NOL4L: variants seen among roughly 807,000 people sequenced by gnomAD.
NOL4L encodes nucleolar protein 4 like.
Under a neutral mutation model 64.5 loss-of-function variants are expected in NOL4L, and 7 were observed. The ratio of observed to expected loss-of-function variants is 0.11; its 90% CI spans 0.06 to 0.20. The LOEUF (loss-of-function observed/expected upper bound fraction) is 0.20. Ranked by LOEUF, NOL4L falls within the 10% of genes least tolerant of loss-of-function variation. The pLI is 1.00. For missense variants in NOL4L, 680 were observed against 967.1 expected, an observed-to-expected ratio of 0.70 and a Z score of 3.94; for synonymous variants, 413 against 401.0, an observed-to-expected ratio of 1.03 and a Z score of -0.36.
chr20:32,475,260 G>A, intron 4 of NOL4L: 1 of 985,450 alleles, frequency 1.0e-6, no homozygotes, highest in Non-Finnish European at 1.2e-6. Context: ...CCAGCCCAGA[G>A]GACGTTTCTG....
chr20:32,525,580 C>G (rs1276260898), intron 2 of NOL4L, among the ~76,000 whole-genome samples: 6 of 151,964 alleles, frequency 3.9e-5, no homozygotes, highest in African/African-American at 1.5e-4. Context: ...GCTGACTGCT[C>G]AGCACAATGG....
At position 32,520,744 on chromosome 20, in the gene NOL4L, C is replaced by A. The variant is rs575136728; in HGVS notation, c.589+67G>T. ...ACTTTTCTGTGCCAGCAAAAGCTGG[C>A]GTCTTCAGGGACAGTCCACTCTTAG... On this transcript the variant is annotated intron_variant, in intron 3 of 10. Coordinates refer to ENST00000621426, the MANE Select transcript of NOL4L (RefSeq NM_001256798.2). The A allele has an allele frequency of 7.9e-5, 76 of 956,550 alleles. 1 individual carries two copies. The South Asian group carries it at 1.1e-3, about 14-fold the overall frequency. 59.3% of individuals were successfully genotyped at this position (956,550 alleles called of 1,614,324 possible). A position where few individuals can be genotyped will look rare whatever the true frequency, so the allele number is the denominator to read the frequency against.
chr20:32,517,604 C>A (rs974070829), intron 3 of NOL4L, among the ~76,000 whole-genome samples: 18 of 152,352 alleles, frequency 1.2e-4, no homozygotes, highest in African/African-American at 4.3e-4. Flanking sequence ...TCCCTTCTAA[C>A]CCTGTCCAGG....
chr20:32,516,648 C>T (rs1465199673), intron 3 of NOL4L, among the ~76,000 whole-genome samples: 1 of 152,176 alleles, frequency 6.6e-6, no homozygotes, highest in African/African-American at 2.4e-5. Flanking sequence ...TAGTAATACC[C>T]TGACTTTACA....
intron 6 of NOL4L, among the ~76,000 whole-genome samples, chr20:32,455,700 C>CT (rs2013429682): frequency 6.6e-6 from 1 of 152,220 alleles, no homozygotes; most frequent in South Asian, 2.1e-4. Context: ...GGCCCTCGCC[C>CT]TTTTTTCGCA....
chr20:32,576,780 G>T (rs1228813842), intron 1 of NOL4L, among the ~76,000 whole-genome samples: 3 of 152,232 alleles, frequency 2.0e-5, no homozygotes, highest in Non-Finnish European at 4.4e-5. Flanking sequence ...AATCGGAGGG[G>T]AAGAGCATGG....
chr20:32,487,935 T>TTTTA (rs1555796284), intron 4 of NOL4L, among the ~76,000 whole-genome samples: 33 of 86,184 alleles, frequency 3.8e-4, no homozygotes, highest in African/African-American at 2.0e-3. Flanking sequence ...GTTGGTTTTA[T>TTTTA]TTTTTTTTTT....
intron 5 of NOL4L, among the ~76,000 whole-genome samples, chr20:32,473,991 G>C (rs2015209469): frequency 1.3e-5 from 2 of 152,212 alleles, no homozygotes; most frequent in African/African-American, 4.8e-5. Flanking sequence ...TCTGATTCCT[G>C]ACCCTAACTC....
chr20:32,544,770 G>A (rs185142129), intron 1 of NOL4L, among the ~76,000 whole-genome samples: 2 of 152,306 alleles, frequency 1.3e-5, no homozygotes, highest in East Asian at 3.9e-4. Context: ...CCACCCCAGG[G>A]TGAACTCAAA....
At position 32,453,329 on chromosome 20, in the gene NOL4L, C is replaced by T. The variant is rs1452017787; in HGVS notation, c.1472G>A (p.Arg491His). ...RIRTYLKSCR[R>H]MKKNGMEMTR... Reference sequence around the variant, plus strand: ...CATCTCCATGCCGTTCTTCTTCATGCGACGGCAGGACTTGAGGTACGTGCG... The same window carrying T: ...CATCTCCATGCCGTTCTTCTTCATGTGACGGCAGGACTTGAGGTACGTGCG... The change falls in exon 8 of 11, where the codon CGC becomes CAC. Residue 491 changes from arginine to histidine, a missense_variant. Physicochemically the swap from Arg to His is conservative, Grantham distance 29 (BLOSUM62 0). Transcript: ENST00000621426. This position sits in a 1 kb window ranked among gnomAD's most constrained non-coding sequence, Gnocchi z 5.6. 1 of 1,613,948 alleles carries T rather than the reference C, an allele frequency of 6.2e-7. No homozygotes were observed. The highest frequency in any genetic ancestry group is 8.5e-7 in the Non-Finnish European group (1 of 1,179,902).
At chr20:32,539,365 G>C (rs1040512650) in intron 1 of NOL4L, among the ~76,000 whole-genome samples, 1 of 152,180 alleles carries the variant, frequency 6.6e-6, no homozygotes, top group Non-Finnish European at 1.5e-5. Context: ...TGGGCACGGG[G>C]GCATGACGTG....
chr20:32,566,485 G>A (rs534157590), intron 1 of NOL4L, among the ~76,000 whole-genome samples: 1 of 152,280 alleles, frequency 6.6e-6, no homozygotes, highest in Admixed American at 6.5e-5. Context: ...TGAGGCTCAA[G>A]GTCCTGCAGA....
rs1417816133 is a variant in NOL4L at position 32,579,027 on chromosome 20, C to T, written c.321+5543G>A. On this transcript the variant is annotated intron_variant, in intron 1 of 10. Transcript: ENST00000621426. ...TGGCTTCAGCCAGCTGCTGAGACTC[C>T]GGGGATGGCAGGGGCCAGGGCAGCA... Among the ~76,000 whole-genome samples the T allele has an allele frequency of 3.3e-5, 5 of 152,286 alleles. No individual in the cohort carries two copies. The East Asian group carries it at 5.8e-4, about 18-fold the overall frequency.
chr20:32,481,437 C>G (rs1245127041), intron 4 of NOL4L, among the ~76,000 whole-genome samples: 1 of 152,190 alleles, frequency 6.6e-6, no homozygotes, highest in African/African-American at 2.4e-5. Context: ...CCAGACAACA[C>G]AGAAAAAGTT....
chr20:32,521,452 C>T (rs780209033), intron 2 of NOL4L, among the ~76,000 whole-genome samples: 14 of 152,168 alleles, frequency 9.2e-5, no homozygotes, highest in Non-Finnish European at 1.5e-4. Context: ...TCAAACTAGA[C>T]AGGCTCTGCA....
chr20:32,446,520 G>C lies in NOL4L; in HGVS notation c.*1076C>G, dbSNP rs974707534. On this transcript the variant is annotated 3_prime_UTR_variant, in exon 11 of 11. Coordinates refer to ENST00000621426, the MANE Select transcript of NOL4L (RefSeq NM_001256798.2). Reference sequence around the variant, plus strand: ...GTCTGAGGGGCCAGGCCTGTGCACAGAAGTTCAGACCTGGCTCCTGGGCAG... The same window carrying C: ...GTCTGAGGGGCCAGGCCTGTGCACACAAGTTCAGACCTGGCTCCTGGGCAG... 2 of 152,432 alleles carry C rather than the reference G, an allele frequency of 1.3e-5. No individual in the cohort carries two copies. The highest frequency in any genetic ancestry group is 4.8e-5 in the African/African-American group (2 of 41,476). 9.4% of individuals were successfully genotyped at this position (152,432 alleles called of 1,614,324 possible). A position where few individuals can be genotyped will look rare whatever the true frequency, so the allele number is the denominator to read the frequency against.
chr20:32,556,281 G>A (rs1406141328), intron 1 of NOL4L, among the ~76,000 whole-genome samples: 2 of 152,052 alleles, frequency 1.3e-5, no homozygotes, highest in South Asian at 2.1e-4. Flanking sequence ...TTGTGGGGGG[G>A]GGGGGTTTCC....
intron 4 of NOL4L, among the ~76,000 whole-genome samples, chr20:32,497,352 G>T (rs1293412343): frequency 6.6e-6 from 1 of 152,036 alleles, no homozygotes; most frequent in African/African-American, 2.4e-5. Flanking sequence ...GTCAGGGTGG[G>T]TCAAGAACCT....
intron 4 of NOL4L, among the ~76,000 whole-genome samples, chr20:32,493,889 T>A (rs779876639): frequency 1.3e-5 from 2 of 152,150 alleles, no homozygotes; most frequent in Non-Finnish European, 2.9e-5. Flanking sequence ...TCCCCACCCC[T>A]TCCCTTGAGA....
Sources: allele counts gnomAD v4.1 joint callset (sites outside exome capture counted in the v4.1 genomes callset), GRCh38; gene constraint gnomAD v4.1.1; non-coding constraint Gnocchi (gnomAD v3.1); transcripts MANE v1.5; gene names NCBI Gene and HGNC (gene_info 2026-07-23, HGNC 2026-07-21).